Variants in CDH13 observed in about 807,000 individuals in gnomAD.
CDH13 encodes cadherin 13.
Under a neutral mutation model 63.8 loss-of-function variants are expected in CDH13, and 24 were observed. That is an observed-to-expected ratio of 0.38 (90% CI 0.27 to 0.53). The LOEUF is 0.53. Among genes scored for constraint, CDH13 ranks in the 20% least tolerant of loss-of-function variants. The probability of loss-of-function intolerance (pLI) is 0.85; values close to 1 mark genes in which losing one functional copy is unlikely to be tolerated. For synonymous variants in CDH13, 503 were observed against 355.3 expected (o/e 1.42, Z -4.67); for missense variants, 1,049 against 903.1 (o/e 1.16, Z -2.07).
At chr16:83,724,924 C>T (rs77324307) in intron 10 of CDH13, among the ~76,000 whole-genome samples, 1 of 152,160 alleles carries the variant, frequency 6.6e-6, no homozygotes, top group South Asian at 2.1e-4. Context: ...CCCTGGGACT[C>T]CCTTATTGGT....
rs369920797 is a variant in CDH13, at chr16:83,408,692, A to C, written c.781+63686A>C. On this transcript the variant is annotated intron_variant, in intron 6 of 13. Transcript: ENST00000567109. ...ACTGTACTTAAGTAACTTTAATAGA[A>C]GCATGAAGAATGTAGTAGTTGTCAT... is the stretch of plus-strand genomic sequence containing the variant. Among the ~76,000 whole-genome samples the C allele has an allele frequency of 1.8e-4, 28 of 152,374 alleles. No individual in the cohort carries two copies. The South Asian group carries it at 5.8e-3, about 32-fold the overall frequency.
intron 1 of CDH13, among the ~76,000 whole-genome samples, chr16:82,702,404 C>T (rs1181471240): frequency 6.6e-6 from 1 of 152,188 alleles, no homozygotes; most frequent in Non-Finnish European, 1.5e-5. Flanking sequence ...GACAGTGTGA[C>T]AGCAGGGCCC....
At chr16:82,726,646 G>A (rs1222203995) in intron 1 of CDH13, among the ~76,000 whole-genome samples, 1 of 152,290 alleles carries the variant, frequency 6.6e-6, no homozygotes, top group East Asian at 1.9e-4. Flanking sequence ...AGTAGTCAGT[G>A]CCTCAGTCTC....
intron 4 of CDH13, among the ~76,000 whole-genome samples, chr16:83,205,202 T>A (rs1440286908): frequency 6.6e-6 from 1 of 151,994 alleles, no homozygotes; most frequent in Non-Finnish European, 1.5e-5. Context: ...CCAAGGAGAG[T>A]GTTTTCAAAG....
intron 1 of CDH13, among the ~76,000 whole-genome samples, chr16:82,666,488 C>G (rs1256963071): frequency 6.6e-6 from 1 of 152,202 alleles, no homozygotes; most frequent in Non-Finnish European, 1.5e-5. Context: ...GTACCTTGAG[C>G]TAACCTCTCA....
chr16:83,066,321 C>G (rs34560150), intron 3 of CDH13, among the ~76,000 whole-genome samples: 18,014 of 152,142 alleles, frequency 0.12, 1,102 homozygotes, highest in Admixed American at 0.18. Flanking sequence ...CCAGGATAGT[C>G]TTGAGAGAGC....
At chr16:82,983,557 A>AG (rs1910559706) in intron 2 of CDH13, among the ~76,000 whole-genome samples, 1 of 152,182 alleles carries the variant, frequency 6.6e-6, no homozygotes, top group Non-Finnish European at 1.5e-5. Context: ...CCTTGGCACC[A>AG]AGAAGAGAAT....
chr16:83,030,792 C>G (rs536694855), intron 2 of CDH13, among the ~76,000 whole-genome samples: 15 of 152,118 alleles, frequency 9.9e-5, no homozygotes, highest in Middle Eastern at 6.8e-3. Context: ...AGCACCATAA[C>G]TTACTGGCTT....
intron 1 of CDH13, among the ~76,000 whole-genome samples, chr16:82,794,250 C>T (rs1424088047): frequency 6.7e-6 from 1 of 150,010 alleles, no homozygotes; most frequent in Non-Finnish European, 1.5e-5. Flanking sequence ...CATTCTTCTT[C>T]TTCCACTGTG....
At chr16:82,670,672 C>G (rs763530372) in intron 1 of CDH13, among the ~76,000 whole-genome samples, 1 of 152,122 alleles carries the variant, frequency 6.6e-6, no homozygotes, top group African/African-American at 2.4e-5. Context: ...TAGACTGGCA[C>G]GTAATTTGGG....
chr16:83,127,878 A>G (rs2035880861), intron 4 of CDH13, among the ~76,000 whole-genome samples: 1 of 152,202 alleles, frequency 6.6e-6, no homozygotes, highest in African/African-American at 2.4e-5. Context: ...AGTCTGGGAC[A>G]TGATACAAAG....
intron 7 of CDH13, among the ~76,000 whole-genome samples, chr16:83,572,247 C>T (rs1355131229): frequency 4.7e-5 from 7 of 149,136 alleles, no homozygotes; most frequent in Non-Finnish European, 7.4e-5. Context: ...AGTGCAATGG[C>T]GTGATCTTAG....
At chr16:82,653,598 G>C (rs1175126423) in intron 1 of CDH13, among the ~76,000 whole-genome samples, 2 of 152,176 alleles carry the variant, frequency 1.3e-5, no homozygotes, top group African/African-American at 4.8e-5. Flanking sequence ...AGAGTTGCTT[G>C]TGGGGCTGGA....
At chr16:82,936,696 C>T (rs2042677869) in intron 2 of CDH13, among the ~76,000 whole-genome samples, 1 of 152,164 alleles carries the variant, frequency 6.6e-6, no homozygotes. Flanking sequence ...AACATTTGTC[C>T]TACCTACGGA....
intron 3 of CDH13, among the ~76,000 whole-genome samples, chr16:83,072,683 A>G (rs551581995): frequency 1.3e-5 from 2 of 152,160 alleles, no homozygotes; most frequent in Non-Finnish European, 2.9e-5. Flanking sequence ...TCCAAGCTTG[A>G]TCTGTGCATG....
intron 4 of CDH13, among the ~76,000 whole-genome samples, chr16:83,172,203 G>A (rs1482520737): frequency 6.6e-6 from 1 of 152,034 alleles, no homozygotes; most frequent in Non-Finnish European, 1.5e-5. Context: ...GAAAATAAAG[G>A]CAGATGGCCG....
intron 3 of CDH13, among the ~76,000 whole-genome samples, chr16:83,080,871 G>GTTTTTTTTTTTTTTGTTTTTT (rs2033186496): frequency 2.1e-5 from 1 of 46,928 alleles, no homozygotes; most frequent in African/African-American, 9.3e-5. Context: ...TTGTTTTTGT[G>GTTTTTTTTTTTTTTGTTTTTT]TTTTTTTTTT....
chr16:82,828,389 A>G lies in CDH13; in HGVS notation c.46-29973A>G, dbSNP rs532037249. On this transcript the variant is annotated intron_variant, in intron 1 of 13. Transcript: ENST00000567109. ...TCCCAAGACTTTGGGAGGCCAAGGC[A>G]AACAGATGACTTGAGGCCAGGAGTT... 1.5e-3 allele frequency among the ~76,000 whole-genome samples: 228 copies of G among 152,240 alleles called. 3 individuals carry two copies. Among genetic ancestry groups the G allele is most frequent in the Middle Eastern group, 3.4e-3 (1 of 294 alleles).
rs546347233 is a variant in CDH13 at position 83,158,913 on chromosome 16, A to G, written c.483+33412A>G. ...GCAGCCTTCTTTCTTTACTTTACTC[A>G]CTTCCTAAATAACACTGTTCTCAGG... On this transcript the variant is annotated intron_variant, in intron 4 of 13. Transcript: ENST00000567109. Among the ~76,000 whole-genome samples, 534 of 152,174 alleles carry G rather than the reference A, an allele frequency of 3.5e-3. 5 individuals carry two copies. The highest frequency in any genetic ancestry group is 0.012 in the African/African-American group (516 of 41,534).
Sources: gnomAD v4.1 joint callset for allele counts (sites outside exome capture counted in the v4.1 genomes callset) on GRCh38, gnomAD v4.1.1 for gene constraint, MANE v1.5 for transcripts, NCBI Gene and HGNC (gene_info 2026-07-23, HGNC 2026-07-21) for gene names.